Variants in IPCEF1 observed in about 807,000 individuals in gnomAD.
IPCEF1 encodes the protein interaction protein for cytohesin exchange factors 1, also known as interactor protein for cytohesin exchange factors 1.
In IPCEF1, 31 loss-of-function variants were observed where a neutral mutation model predicts 50.9. The observed-to-expected ratio is 0.61, with a 90% confidence interval of 0.46 to 0.82. The LOEUF (loss-of-function observed/expected upper bound fraction) is 0.82. IPCEF1 is among the 40% of genes least tolerant of loss of function. The probability of loss-of-function intolerance (pLI) is 0.00; values close to 1 mark genes in which losing one functional copy is unlikely to be tolerated. For missense variants in IPCEF1, 458 were observed against 514.0 expected (o/e 0.89, Z 1.05); for synonymous variants, 181 against 192.0 (o/e 0.94, Z 0.47).
intron 10 of IPCEF1, 152 bp downstream of exon 10, chr6:154,199,516 T>G: frequency 2.3e-6 from 2 of 877,690 alleles, no homozygotes; most frequent in Non-Finnish European, 3.3e-6. Flanking sequence ...TGCAAACTCC[T>G]CTACAAAGCA....
intron 2 of IPCEF1, among the ~76,000 whole-genome samples, chr6:154,285,872 A>G (rs1390896662): frequency 6.6e-6 from 1 of 152,208 alleles, no homozygotes; most frequent in African/African-American, 2.4e-5. Flanking sequence ...GACACCTTGA[A>G]TCACTTGGTA....
chr6:154,276,762 T>C (rs983631373), intron 2 of IPCEF1, among the ~76,000 whole-genome samples: 1 of 152,188 alleles, frequency 6.6e-6, no homozygotes, highest in Admixed American at 6.5e-5. Context: ...GTAGATCTCA[T>C]TACATTCTTA....
intron 10 of IPCEF1, among the ~76,000 whole-genome samples, chr6:154,191,801 C>T (rs1325677709): frequency 1.3e-5 from 2 of 152,012 alleles, no homozygotes; most frequent in African/African-American, 4.8e-5. Context: ...CATACTAATG[C>T]AAGGTGTTAA....
intron 1 of IPCEF1, among the ~76,000 whole-genome samples, chr6:154,335,663 C>T (rs1460198791): frequency 6.6e-6 from 1 of 151,812 alleles, no homozygotes; most frequent in Non-Finnish European, 1.5e-5. Flanking sequence ...TAGCAAGACC[C>T]TCATCTCAAA....
chr6:154,322,377 C>CAA (rs1052085994), intron 1 of IPCEF1, among the ~76,000 whole-genome samples: 2 of 143,874 alleles, frequency 1.4e-5, no homozygotes, highest in African/African-American at 4.9e-5. Context: ...ATTTTAAACA[C>CAA]ACACACACAC....
chr6:154,259,523 G>A (rs928555953), intron 3 of IPCEF1, among the ~76,000 whole-genome samples: 3 of 152,054 alleles, frequency 2.0e-5, no homozygotes, highest in African/African-American at 7.2e-5. Context: ...GTGGTGGCAT[G>A]TGCCTGTAAT....
intron 3 of IPCEF1, among the ~76,000 whole-genome samples, chr6:154,261,214 T>TG (rs1454048233): frequency 1.2e-4 from 19 of 152,024 alleles, no homozygotes; most frequent in Non-Finnish European, 2.5e-4. Flanking sequence ...TTTGTAAAGA[T>TG]GGGGTCTCCC....
In IPCEF1 at chr6:154,255,655, A is replaced by C. The variant is rs1440373458; in HGVS notation, c.37-8167T>G. Among the ~76,000 whole-genome samples, 3 of 152,108 alleles carry C rather than the reference A, an allele frequency of 2.0e-5. No homozygotes were observed. The East Asian group carries it at 5.8e-4, about 29-fold the overall frequency. Reference sequence around the variant, plus strand: ...ATTCTCTTCTTTTGGGAGTACTGTTAGATTTGTGTTAGAGATGAGTGATTT... The same window carrying C: ...ATTCTCTTCTTTTGGGAGTACTGTTCGATTTGTGTTAGAGATGAGTGATTT... On this transcript the variant is annotated intron_variant, in intron 3 of 11. Coordinates refer to ENST00000367220, the MANE Select transcript of IPCEF1 (RefSeq NM_001130700.2).
In IPCEF1 at chr6:154,277,797, C is replaced by A. The variant is rs113880531; in HGVS notation, c.-17-11833G>T. ...GTTTCCATTCCTTTATAGACTTTGC[C>A]TGTGAGATTTTCCGCTTGTCTTTGG... On this transcript the variant is annotated intron_variant, in intron 2 of 11. Transcript: ENST00000367220. 4.9e-3 allele frequency among the ~76,000 whole-genome samples: 744 copies of A among 152,252 alleles called. 6 individuals are homozygous for A. Among genetic ancestry groups the A allele is most frequent in the Non-Finnish European group, 8.5e-3 (581 of 68,008 alleles).
At chr6:154,162,942 G>A (rs71567967) in intron 11 of IPCEF1, among the ~76,000 whole-genome samples, 2,832 of 152,056 alleles carry the variant, frequency 0.019, 45 homozygotes, top group Non-Finnish European at 0.031. Flanking sequence ...CACCAAACCC[G>A]GTTCCTACCG....
chr6:154,179,887 T>A (rs1800683738), intron 10 of IPCEF1, among the ~76,000 whole-genome samples: 1 of 152,192 alleles, frequency 6.6e-6, no homozygotes, highest in Non-Finnish European at 1.5e-5. Flanking sequence ...ACATGTAGAT[T>A]CCATTTGAGT....
intron 1 of IPCEF1, among the ~76,000 whole-genome samples, chr6:154,346,670 A>C (rs1410563926): frequency 6.6e-6 from 1 of 152,198 alleles, no homozygotes; most frequent in Non-Finnish European, 1.5e-5. Context: ...GGAAGCAAAC[A>C]TGTCCTTCTT....
At chr6:154,207,566 T>TC (rs1290807490) in intron 9 of IPCEF1, among the ~76,000 whole-genome samples, 2 of 148,842 alleles carry the variant, frequency 1.3e-5, no homozygotes, top group Non-Finnish European at 3.0e-5. Flanking sequence ...GGGGTTTTTT[T>TC]TGTTTTTTTG....
At chr6:154,172,188 G>A (rs935276616) in intron 10 of IPCEF1, among the ~76,000 whole-genome samples, 1 of 152,176 alleles carries the variant, frequency 6.6e-6, no homozygotes, top group African/African-American at 2.4e-5. Context: ...TAGCCAAATA[G>A]GAACAGCTCC....
At chr6:154,187,244 T>C (rs566909558) in intron 10 of IPCEF1, among the ~76,000 whole-genome samples, 5 of 152,128 alleles carry the variant, frequency 3.3e-5, no homozygotes, top group Admixed American at 1.3e-4. Context: ...CCCCACCCCA[T>C]ACCCCACCTC....
rs997497708 is a variant in IPCEF1 at position 154,157,567 on chromosome 6, G to A, written c.*2261C>T. 1 of 152,190 alleles carries A rather than the reference G, an allele frequency of 6.6e-6. No homozygotes were observed. The highest frequency in any genetic ancestry group is 2.1e-4 in the South Asian group (1 of 4,832). The allele number at this position is 152,190 out of a possible 1,614,324, so 9.4% of individuals were successfully genotyped here. On this transcript the variant is annotated 3_prime_UTR_variant, in exon 12 of 12. Coordinates refer to ENST00000367220, the MANE Select transcript of IPCEF1 (RefSeq NM_001130700.2). ...GTACTAAAGGAGTTTACAGTTGAAAGGCTGGGGAAATATGTCTTCACGAAA... is the reference window on the plus strand; with the variant it reads ...GTACTAAAGGAGTTTACAGTTGAAAAGCTGGGGAAATATGTCTTCACGAAA...
chr6:154,234,975 T>A (rs1779999597), intron 5 of IPCEF1, among the ~76,000 whole-genome samples: 2 of 152,188 alleles, frequency 1.3e-5, no homozygotes, highest in African/African-American at 4.8e-5. Context: ...AAACCCCAAA[T>A]GTGCTACTGT....
At chr6:154,169,579 A>G (rs1799708455) in intron 10 of IPCEF1, among the ~76,000 whole-genome samples, 1 of 152,204 alleles carries the variant, frequency 6.6e-6, no homozygotes, top group African/African-American at 2.4e-5. Flanking sequence ...TCCTTCCCAG[A>G]ACTACCCTTG....
chr6:154,331,433 GAA>G (rs1454048991), intron 1 of IPCEF1, among the ~76,000 whole-genome samples: 19 of 134,340 alleles, frequency 1.4e-4, no homozygotes, highest in African/African-American at 4.4e-4. Flanking sequence ...GAGAGAGAGA[GAA>G]AGAAAGAGAA....
Sources: gnomAD v4.1 joint callset for allele counts (sites outside exome capture counted in the v4.1 genomes callset) on GRCh38, gnomAD v4.1.1 for gene constraint, MANE v1.5 for transcripts, NCBI Gene and HGNC (gene_info 2026-07-23, HGNC 2026-07-21) for gene names.